TENM3: variants seen among roughly 807,000 people sequenced by gnomAD.
TENM3 encodes the protein teneurin-3.
Under a neutral mutation model 255.1 loss-of-function variants are expected in TENM3, and 63 were observed. That is an observed-to-expected ratio of 0.25 (90% CI 0.20 to 0.30). TENM3 has a LOEUF of 0.30. Among genes scored for constraint, TENM3 ranks in the 10% least tolerant of loss-of-function variants. TENM3 has a pLI of 1.00. For synonymous variants in TENM3, 1,306 were observed against 1,322.3 expected (o/e 0.99, Z 0.27); for missense variants, 2,929 against 3,461.1 (o/e 0.85, Z 3.86).
At chr4:182,218,085 A>C (rs1755614959) in intron 1 of TENM3, among the ~76,000 whole-genome samples, 1 of 152,206 alleles carries the variant, frequency 6.6e-6, no homozygotes, top group South Asian at 2.1e-4. Flanking sequence ...CTTATGTTTA[A>C]TAGGTCCTCT....
chr4:181,628,482 C>T, the TENM3 span, among the ~76,000 whole-genome samples: 269 of 152,278 alleles, frequency 1.8e-3, no homozygotes, highest in African/African-American at 6.0e-3. Flanking sequence ...ACATTTAAGT[C>T]CTTAATCCAT....
At chr4:182,401,148 T>A (rs1769193348) in intron 3 of TENM3, among the ~76,000 whole-genome samples, 1 of 152,120 alleles carries the variant, frequency 6.6e-6, no homozygotes, top group Non-Finnish European at 1.5e-5. Context: ...AGTGATAAAC[T>A]CATATGCAGG....
chr4:182,607,249 A>G (rs1166617988), intron 4 of TENM3, among the ~76,000 whole-genome samples: 1 of 152,210 alleles, frequency 6.6e-6, no homozygotes, highest in Non-Finnish European at 1.5e-5. Context: ...CAATAAGAAA[A>G]GCATTTGTCT....
At chr4:182,511,524 T>C (rs1045969920) in intron 3 of TENM3, among the ~76,000 whole-genome samples, 6 of 152,306 alleles carry the variant, frequency 3.9e-5, no homozygotes, top group Non-Finnish European at 8.8e-5. Flanking sequence ...AGAGAATATG[T>C]TTAACTTCAC....
the TENM3 span, among the ~76,000 whole-genome samples, chr4:181,662,210 G>A: frequency 6.6e-6 from 1 of 152,194 alleles, no homozygotes; most frequent in Non-Finnish European, 1.5e-5. Flanking sequence ...TGGCTGATAT[G>A]TGAATAATTG....
At chr4:182,118,204 T>C in the TENM3 span, among the ~76,000 whole-genome samples, 1 of 152,112 alleles carries the variant, frequency 6.6e-6, no homozygotes, top group Non-Finnish European at 1.5e-5. Context: ...TCAGATCCTA[T>C]GCAGACAATC....
intron 13 of TENM3, 67 bp downstream of exon 13, chr4:182,714,300 A>G (rs1758979708): frequency 6.8e-6 from 5 of 736,832 alleles, no homozygotes; most frequent in Non-Finnish European, 9.3e-6. Flanking sequence ...CAGTGAGTAC[A>G]TAGATATCTG....
intron 1 of TENM3, among the ~76,000 whole-genome samples, chr4:182,301,935 T>C (rs1413756600): frequency 6.6e-6 from 1 of 152,194 alleles, no homozygotes; most frequent in East Asian, 1.9e-4. Context: ...TGTGCTTCCT[T>C]GGGACACGCT....
chr4:181,639,328 C>T, the TENM3 span, among the ~76,000 whole-genome samples: 6 of 152,202 alleles, frequency 3.9e-5, no homozygotes, highest in Non-Finnish European at 8.8e-5. Context: ...ATCAAGCCCC[C>T]TGAACCCTAG....
chr4:182,140,985 ATCCC>A (rs1172375200), upstream of TENM3, among the ~76,000 whole-genome samples: 2 of 119,948 alleles, frequency 1.7e-5, no homozygotes, highest in Non-Finnish European at 1.8e-5. Flanking sequence ...GGCCCATTAT[ATCCC>A]TCCCCCCCGC....
chr4:182,455,268 G>C (rs78023028), intron 3 of TENM3, among the ~76,000 whole-genome samples: 68 of 152,292 alleles, frequency 4.5e-4, no homozygotes, highest in African/African-American at 1.6e-3. Flanking sequence ...CCCCCACTCT[G>C]TTCCCACCAT....
At chr4:182,694,234 C>T (rs115307577) in intron 12 of TENM3, among the ~76,000 whole-genome samples, 3,005 of 152,006 alleles carry the variant, frequency 0.02, 80 homozygotes, top group African/African-American at 0.059. Flanking sequence ...GTCAGCCTCC[C>T]GAATAGCTGG....
chr4:182,589,224 C>T (rs974777239), intron 3 of TENM3, among the ~76,000 whole-genome samples: 9 of 151,878 alleles, frequency 5.9e-5, no homozygotes, highest in Non-Finnish European at 7.4e-5. Flanking sequence ...TTGAAGTACT[C>T]GTATATATGT....
rs189694603 is a variant in TENM3, at chr4:182,160,514, T to A, written c.-76+15760T>A. ...CAAGACAAACTTGAATATGGTAAAATTATTTCTGTTCCATTCACAGAATTA... is the reference window on the plus strand; with the variant it reads ...CAAGACAAACTTGAATATGGTAAAAATATTTCTGTTCCATTCACAGAATTA... On this transcript the variant is annotated intron_variant, in intron 1 of 2. Coordinates refer to the TENM3 transcript ENST00000512480. Among the ~76,000 whole-genome samples the A allele has an allele frequency of 1.7e-3, 253 of 152,360 alleles. 1 individual carries two copies. The highest frequency in any genetic ancestry group is 5.8e-3 in the African/African-American group (243 of 41,588).
At chr4:182,158,466 G>C (rs1326341877) in intron 1 of TENM3, among the ~76,000 whole-genome samples, 1 of 152,218 alleles carries the variant, frequency 6.6e-6, no homozygotes, top group East Asian at 1.9e-4. Context: ...TCCAGGAAGG[G>C]CTGGAGAGAG....
chr4:181,880,077 T>C, the TENM3 span, among the ~76,000 whole-genome samples: 2 of 152,160 alleles, frequency 1.3e-5, no homozygotes, highest in South Asian at 4.1e-4. Context: ...TTCATGAGAC[T>C]TCATAATATT....
the TENM3 span, among the ~76,000 whole-genome samples, chr4:181,834,148 G>A: frequency 1.3e-5 from 2 of 151,692 alleles, no homozygotes; most frequent in East Asian, 1.9e-4. Flanking sequence ...AAGAATGGAA[G>A]GGGATTTTTT....
chr4:182,359,118 T>C (rs1765771167), intron 3 of TENM3, among the ~76,000 whole-genome samples: 1 of 152,062 alleles, frequency 6.6e-6, no homozygotes, highest in Admixed American at 6.6e-5. Flanking sequence ...GGATTCGGTT[T>C]GCCGGTATTT....
chr4:181,623,901 G>A, the TENM3 span, among the ~76,000 whole-genome samples: 1 of 152,170 alleles, frequency 6.6e-6, no homozygotes, highest in Admixed American at 6.5e-5. Flanking sequence ...ATATTGATGT[G>A]CTATTTCATA....
Sources: gnomAD v4.1 joint callset for allele counts (sites outside exome capture counted in the v4.1 genomes callset) on GRCh38, gnomAD v4.1.1 for gene constraint, MANE v1.5 for transcripts, NCBI Gene and HGNC (gene_info 2026-07-23, HGNC 2026-07-21) for gene names.